The following HOOK3 variants were observed in gnomAD, a reference collection of about 807,000 sequenced individuals.
The protein encoded by HOOK3 is hook microtubule tethering protein 3, also known as protein Hook homolog 3.
A neutral mutation model predicts 116.3 loss-of-function variants in HOOK3; 24 were observed. That is an observed-to-expected ratio of 0.21 (90% confidence interval 0.15 to 0.29). The LOEUF is 0.29. Among genes scored for constraint, HOOK3 ranks in the 10% least tolerant of loss-of-function variants. The pLI is 1.00. For synonymous variants in HOOK3, 275 were observed against 283.0 expected (o/e 0.97, Z 0.28); for missense variants, 632 against 830.2 (o/e 0.76, Z 2.93).
In HOOK3 at chr8:43,024,035, A is replaced by G; in HGVS notation, c.*5537A>G. The G allele has an allele frequency of 1.5e-5, 3 of 204,934 alleles. No homozygotes were observed. Among genetic ancestry groups the G allele is most frequent in the Non-Finnish European group, 1.0e-5 (1 of 100,116 alleles). 12.7% of individuals were successfully genotyped at this position (204,934 alleles called of 1,614,324 possible). On this transcript the variant is annotated 3_prime_UTR_variant, in exon 22 of 22. Transcript: ENST00000307602. ...AACTCCAGTTATCCCCAGTTGGATC[A>G]TGTGTGATTTATCTGAGAAAGCATC...
chr8:42,912,774 C>T (rs1230020747), intron 2 of HOOK3, among the ~76,000 whole-genome samples: 4 of 152,142 alleles, frequency 2.6e-5, no homozygotes, highest in Admixed American at 6.5e-5. Flanking sequence ...GCTCAAAGGC[C>T]GTCGTTAACG....
chr8:42,969,077 T>C (rs753949155), intron 11 of HOOK3, among the ~76,000 whole-genome samples: 23 of 152,210 alleles, frequency 1.5e-4, no homozygotes, highest in Non-Finnish European at 2.9e-4. Context: ...CCAAAATTTA[T>C]CTATTTTCCT....
intron 17 of HOOK3, among the ~76,000 whole-genome samples, chr8:43,003,045 A>G (rs138991281): frequency 1.6e-3 from 243 of 152,154 alleles, no homozygotes; most frequent in African/African-American, 5.5e-3. Context: ...ATGTTTCATA[A>G]TTTTTCTTGC....
chr8:43,001,534 T>C (rs1315365489), intron 16 of HOOK3, among the ~76,000 whole-genome samples: 1 of 152,072 alleles, frequency 6.6e-6, no homozygotes, highest in Non-Finnish European at 1.5e-5. Context: ...TTTGATCTCC[T>C]GCTTTTCAGG....
Position 42,973,419 on chromosome 8 carries a change from A to G in HOOK3, c.1233+20A>G, listed in dbSNP as rs1416418036. ...AAGGACGTGAGTATATATATTAGGC[A>G]TTTTGGTTTTGAGCACTGCTAAAAT... is the stretch of plus-strand genomic sequence containing the variant. On this transcript the variant is annotated intron_variant, in intron 12 of 21. Transcript: ENST00000307602. 6 of 1,556,116 alleles carry G rather than the reference A, an allele frequency of 3.9e-6. No individual in the cohort carries two copies. The highest frequency in any genetic ancestry group is 5.2e-6 in the Non-Finnish European group (6 of 1,146,678).
chr8:42,897,078 A>G lies in HOOK3; in HGVS notation c.-54A>G. On this transcript the variant is annotated 5_prime_UTR_variant, in exon 1 of 22. Transcript: ENST00000307602. ...CGCGGGCCCCCGGATCCCCCGACAGAGCGGCGGCGGTGTCTGGCCAGGCGG... is the reference window on the plus strand; with the variant it reads ...CGCGGGCCCCCGGATCCCCCGACAGGGCGGCGGCGGTGTCTGGCCAGGCGG... 1 of 1,215,282 alleles carries G rather than the reference A, an allele frequency of 8.2e-7. No individual in the cohort carries two copies. The highest frequency in any genetic ancestry group is 1.0e-6 in the Non-Finnish European group (1 of 969,190). 75.3% of individuals were successfully genotyped at this position (1,215,282 alleles called of 1,614,324 possible). A position where few individuals can be genotyped will look rare whatever the true frequency, so the allele number is the denominator to read the frequency against.
intron 2 of HOOK3, among the ~76,000 whole-genome samples, chr8:42,923,575 G>A (rs992704126): frequency 3.3e-5 from 5 of 152,144 alleles, no homozygotes; most frequent in African/African-American, 1.2e-4. Context: ...AGACCACATA[G>A]TATATGATTT....
At chr8:42,926,393 C>G (rs1008866661) in intron 3 of HOOK3, among the ~76,000 whole-genome samples, 1 of 152,192 alleles carries the variant, frequency 6.6e-6, no homozygotes, top group Non-Finnish European at 1.5e-5. Context: ...TCAAGTGATT[C>G]TCCTGCCTTA....
At position 42,943,831 on chromosome 8, in the gene HOOK3, G is replaced by C. The variant is rs566534386; in HGVS notation, c.400+386G>C. On this transcript the variant is annotated intron_variant, in intron 5 of 21. Coordinates refer to ENST00000307602, the MANE Select transcript of HOOK3 (RefSeq NM_032410.4). ...CATATATCTGTAACAGATGCCTTCA[G>C]CTTCTCCTTTTTCTTTTTTTAGGCA... Among the ~76,000 whole-genome samples the C allele has an allele frequency of 2.0e-5, 3 of 152,270 alleles. No homozygotes were observed. In the South Asian group the frequency reaches 6.2e-4, roughly 32 times the overall value.
chr8:42,967,989 T>C (rs757180400), intron 10 of HOOK3, 24 bp from the exon 11 acceptor site: 2 of 1,359,404 alleles, frequency 1.5e-6, no homozygotes, highest in Non-Finnish European at 1.0e-6. Flanking sequence ...TTTCTGATTT[T>C]TTTAATTTCC....
chr8:42,971,986 T>C (rs968220434), intron 11 of HOOK3, among the ~76,000 whole-genome samples: 1 of 152,212 alleles, frequency 6.6e-6, no homozygotes, highest in Admixed American at 6.5e-5. Flanking sequence ...CCTGGCCTCT[T>C]AACTCCTTTT....
intron 2 of HOOK3, among the ~76,000 whole-genome samples, chr8:42,912,922 C>T (rs569634252): frequency 8.5e-5 from 13 of 152,348 alleles, no homozygotes; most frequent in African/African-American, 2.9e-4. Flanking sequence ...TCTCTCCAAA[C>T]CCGGGAAACC....
chr8:42,988,804 A>G (rs1809097944), intron 15 of HOOK3, among the ~76,000 whole-genome samples: 1 of 152,034 alleles, frequency 6.6e-6, no homozygotes, highest in African/African-American at 2.4e-5. Flanking sequence ...TTTCTTGCCA[A>G]TTTATCTTCT....
intron 10 of HOOK3, 130 bp downstream of exon 10, chr8:42,966,743 C>A: frequency 1.2e-6 from 1 of 856,164 alleles, no homozygotes; most frequent in Non-Finnish European, 1.8e-6. Context: ...GCTTATGCAA[C>A]CTCTGTATGG....
At chr8:42,983,444 A>G (rs1026274849) in intron 14 of HOOK3, among the ~76,000 whole-genome samples, 2 of 152,140 alleles carry the variant, frequency 1.3e-5, no homozygotes, top group African/African-American at 4.8e-5. Flanking sequence ...TCTTCCCTCA[A>G]TCATACCTTA....
At chr8:42,915,620 C>A (rs902015430) in intron 2 of HOOK3, among the ~76,000 whole-genome samples, 2 of 151,892 alleles carry the variant, frequency 1.3e-5, no homozygotes, top group Non-Finnish European at 2.9e-5. Context: ...TTAGTAGAGA[C>A]GGGGTTTCAC....
Position 43,011,449 on chromosome 8 carries a change from A to ATGTG in HOOK3, c.1839+1061_1839+1064dup, listed in dbSNP as rs147559520. 7.2e-3 allele frequency among the ~76,000 whole-genome samples: 1,088 copies of ATGTG among 150,336 alleles called. 16 individuals are homozygous for ATGTG. The highest frequency in any genetic ancestry group is 0.024 in the African/African-American group (997 of 41,070). On this transcript the variant is annotated intron_variant, in intron 19 of 21. Transcript: ENST00000307602. ...AATAGCCTCCCAAATAAGTAACAGC[A>ATGTG]TGTGTGTGTGTGTGTGTGTGGAGAG...
In HOOK3 at chr8:43,024,685, T is replaced by C. The variant is rs1401089066; in HGVS notation, c.*6187T>C. The C allele has an allele frequency of 5.3e-6, 1 of 190,460 alleles. No individual in the cohort carries two copies. The highest frequency in any genetic ancestry group is 8.3e-5 in the East Asian group (1 of 12,066). The allele number at this position is 190,460 out of a possible 1,614,324, so 11.8% of individuals were successfully genotyped here. A position where few individuals can be genotyped will look rare whatever the true frequency, so the allele number is the denominator to read the frequency against. On this transcript the variant is annotated 3_prime_UTR_variant, in exon 22 of 22. Transcript: ENST00000307602. ...CTATAAAGAATATTTAAATAATAAT[T>C]GGTGTATGTTCCTTTTGTTGAAAAT... is the stretch of plus-strand genomic sequence containing the variant.
chr8:42,933,577 A>G (rs772004640), intron 4 of HOOK3, among the ~76,000 whole-genome samples: 4 of 152,096 alleles, frequency 2.6e-5, no homozygotes, highest in Non-Finnish European at 5.9e-5. Context: ...TCTTTCTCCT[A>G]TCTTATTTTG....
Sources: allele counts gnomAD v4.1 joint callset (sites outside exome capture counted in the v4.1 genomes callset), GRCh38; gene constraint gnomAD v4.1.1; transcripts MANE v1.5; gene names NCBI Gene and HGNC (gene_info 2026-07-23, HGNC 2026-07-21).